Variants in PTPRC observed in about 807,000 individuals in gnomAD.
The protein encoded by PTPRC is receptor-type tyrosine-protein phosphatase C.
Under a neutral mutation model 155.9 loss-of-function variants are expected in PTPRC, and 44 were observed. The observed-to-expected ratio is 0.28, with a 90% CI of 0.22 to 0.36. The LOEUF (loss-of-function observed/expected upper bound fraction) is 0.36, where lower values mean the gene tolerates loss of function less well. Ranked by LOEUF, PTPRC falls within the 10% of genes least tolerant of loss-of-function variation. The pLI is 1.00. For missense variants in PTPRC, 1,401 were observed against 1,564.6 expected (o/e 0.90, Z 1.76); for synonymous variants, 525 against 533.1 (o/e 0.98, Z 0.21).
chr1:198,657,333 TA>T (rs79425349), intron 2 of PTPRC, among the ~76,000 whole-genome samples: 22 of 152,022 alleles, frequency 1.4e-4, no homozygotes, highest in Admixed American at 2.6e-4. Flanking sequence ...TTTATTCCTT[TA>T]AAAAAATCCA....
In PTPRC at chr1:198,665,018, G is replaced by T. The variant is rs144114203; in HGVS notation, c.73+25677G>T. On this transcript the variant is annotated intron_variant, in intron 2 of 32. Transcript: ENST00000442510. Reference sequence around the variant, plus strand: ...TCCTAATCTGGAGGGTTACCCTTTGGATCTGAATGGGATTGGAGTCAGTAC... The same window carrying T: ...TCCTAATCTGGAGGGTTACCCTTTGTATCTGAATGGGATTGGAGTCAGTAC... 8.0e-3 allele frequency among the ~76,000 whole-genome samples: 1,211 copies of T among 150,736 alleles called. 7 individuals are homozygous for T. The highest frequency in any genetic ancestry group is 0.012 in the Non-Finnish European group (820 of 67,812).
chr1:198,680,919 C>T (rs1003050456), intron 2 of PTPRC, among the ~76,000 whole-genome samples: 7 of 152,102 alleles, frequency 4.6e-5, no homozygotes, highest in Non-Finnish European at 8.8e-5. Context: ...TGAGTTTTTA[C>T]ACTGTTACTC....
intron 2 of PTPRC, among the ~76,000 whole-genome samples, chr1:198,677,868 T>C (rs1665050345): frequency 6.6e-6 from 1 of 152,142 alleles, no homozygotes. Context: ...AAGACCTTAC[T>C]TGGCTGAGCT....
In PTPRC at chr1:198,756,019, C is replaced by T. The variant is rs762555911; in HGVS notation, c.3759C>T (p.Asp1253=). 2.5e-6 allele frequency: 4 copies of T among 1,613,328 alleles called. No individual in the cohort carries two copies. In the East Asian group the frequency reaches 8.9e-5, roughly 36 times the overall value. ...AAATTGAATTTGATAATGAAGTGGA[C>T]AAAGTAAAGCAGGATGCTAATTGTG... ...EDKIEFDNEV[D]KVKQDANCVN... Residue 1253 remains aspartate, a synonymous_variant, in exon 33 of 33, where the codon GAC becomes GAT. Coordinates refer to ENST00000442510, the MANE Select transcript of PTPRC (RefSeq NM_002838.5).
intron 2 of PTPRC, among the ~76,000 whole-genome samples, chr1:198,655,149 C>T (rs902354507): frequency 1.3e-5 from 2 of 151,154 alleles, no homozygotes; most frequent in Non-Finnish European, 2.9e-5. Context: ...TACTGAGAGA[C>T]AAGTATTGTT....
chr1:198,716,581 G>C, intron 12 of PTPRC, 101 bp from the exon 13 acceptor site: 3 of 997,712 alleles, frequency 3.0e-6, no homozygotes, highest in Non-Finnish European at 4.7e-6. Flanking sequence ...CAATAGTTTG[G>C]AGTTCACTTG....
Position 198,704,516 on chromosome 1 carries a change from G to T in PTPRC, c.685+18G>T, listed in dbSNP as rs1316428166. On this transcript the variant is annotated intron_variant, in intron 8 of 32. Transcript: ENST00000442510. ...AACATGTGGTAAGTTTATTTACTTAGAATCAGCATACCTCACTTTGGAATA... is the reference window on the plus strand; with the variant it reads ...AACATGTGGTAAGTTTATTTACTTATAATCAGCATACCTCACTTTGGAATA... 1 of 1,613,858 alleles carries T rather than the reference G, an allele frequency of 6.2e-7. No homozygotes were observed. Among genetic ancestry groups the T allele is most frequent in the East Asian group, 2.2e-5 (1 of 44,834 alleles).
rs937199866 is a variant in PTPRC, at chr1:198,752,678, T to C, written c.3415T>C (p.Ser1139Pro). ...QLPAEPKELI[S>P]MIQVVKQKLP... ...TCCTGCAGAACCCAAGGAATTAATC[T>C]CTATGATTCAGGTCGTCAAACAAAA... is the stretch of plus-strand genomic sequence containing the variant. The change falls in exon 31 of 33, where the codon TCT becomes CCT. Residue 1139 changes from serine to proline, a missense_variant. Coordinates refer to ENST00000442510, the MANE Select transcript of PTPRC (RefSeq NM_002838.5). 6.2e-7 allele frequency: 1 copy of C among 1,612,738 alleles called. No individual in the cohort carries two copies. The highest frequency in any genetic ancestry group is 1.3e-5 in the African/African-American group (1 of 74,836).
At chr1:198,717,862 A>G (rs190588106) in intron 13 of PTPRC, among the ~76,000 whole-genome samples, 98 of 152,192 alleles carry the variant, frequency 6.4e-4, no homozygotes, top group African/African-American at 2.3e-3. Context: ...AGGGATTGCA[A>G]TAACTCTCAT....
At chr1:198,696,368 C>T (rs1277842815) in intron 3 of PTPRC, among the ~76,000 whole-genome samples, 3 of 151,812 alleles carry the variant, frequency 2.0e-5, no homozygotes, top group Admixed American at 6.6e-5. Flanking sequence ...TCCTTCTGAA[C>T]TCAATTGCTT....
intron 3 of PTPRC, chr1:198,694,754 C>A: frequency 1.1e-6 from 1 of 951,872 alleles, no homozygotes; most frequent in Non-Finnish European, 1.3e-6. Context: ...TTTCCACTCC[C>A]TTTCTCCCAC....
rs200531350 is a variant in PTPRC, at chr1:198,699,686, G to C, written c.421G>C (p.Gly141Arg). The C allele has an allele frequency of 1.0e-4, 163 of 1,614,132 alleles. No homozygotes were observed. In the Middle Eastern group the frequency reaches 2.5e-3, roughly 25 times the overall value. Residue 141 changes from glycine (G) to arginine (R), a missense_variant, in exon 5 of 33, where the codon GGC becomes CGC. Transcript: ENST00000442510. ...CAATGCAAAACTCAACCCTACCCCA[G>C]GCAGCAATGCTATCTCAGGTTTGCG... is the stretch of plus-strand genomic sequence containing the variant. ...AANAKLNPTP[G>R]SNAISDVPGE...
In PTPRC at chr1:198,709,441, G is replaced by GA. The variant is rs1200570966; in HGVS notation, c.1034-236dup. On this transcript the variant is annotated intron_variant, in intron 10 of 32. Coordinates refer to ENST00000442510, the MANE Select transcript of PTPRC (RefSeq NM_002838.5). ...TCTAAATGCAAATATTCCAAAATCTGAAAAAAAAAACTAAATCCAAAACAC... is the reference window on the plus strand; with the variant it reads ...TCTAAATGCAAATATTCCAAAATCTGAAAAAAAAAAACTAAATCCAAAACAC... 0.012 allele frequency among the ~76,000 whole-genome samples: 1,674 copies of GA among 144,774 alleles called. 20 individuals carry two copies. The highest frequency in any genetic ancestry group is 0.033 in the African/African-American group (1,309 of 39,586). The allele number at this position is 144,774 out of a possible 152,430, so 95.0% of individuals were successfully genotyped here.
chr1:198,735,429 G>T (rs570486867), intron 23 of PTPRC, among the ~76,000 whole-genome samples, 177 bp downstream of exon 23: 1 of 151,308 alleles, frequency 6.6e-6, no homozygotes, highest in African/African-American at 2.4e-5. Context: ...TAAGTCACTG[G>T]TCAAGACGTT....
chr1:198,750,242 GGA>G, intron 28 of PTPRC: 1 of 486,350 alleles, frequency 2.1e-6, no homozygotes, highest in African/African-American at 1.9e-5. Flanking sequence ...TGTCTTTTGT[GGA>G]AAGGAAAATT....
At chr1:198,734,521 T>C in intron 22 of PTPRC, 96 bp downstream of exon 22, 1 of 1,025,438 alleles carries the variant, frequency 9.8e-7, no homozygotes, top group Non-Finnish European at 1.5e-6. Context: ...GCCTGATGAC[T>C]AAAACAGAGA....
At chr1:198,699,513 T>A in intron 4 of PTPRC, 51 bp from the exon 5 acceptor site, 1 of 1,607,694 alleles carries the variant, frequency 6.2e-7, no homozygotes, top group Non-Finnish European at 8.5e-7. Flanking sequence ...AGTAAATTAT[T>A]CATCTCCAGT....
At chr1:198,662,848 T>C (rs1044594612) in intron 2 of PTPRC, among the ~76,000 whole-genome samples, 5 of 152,230 alleles carry the variant, frequency 3.3e-5, no homozygotes, top group African/African-American at 1.2e-4. Flanking sequence ...ATAGGAATCA[T>C]GAAAACTATA....
intron 2 of PTPRC, among the ~76,000 whole-genome samples, chr1:198,643,276 A>T (rs1662743737): frequency 1.3e-5 from 2 of 151,976 alleles, no homozygotes; most frequent in East Asian, 3.9e-4. Flanking sequence ...GGTATAGGAG[A>T]CACAAAAGGC....
Sources: gnomAD v4.1 joint callset for allele counts (sites outside exome capture counted in the v4.1 genomes callset) on GRCh38, gnomAD v4.1.1 for gene constraint, MANE v1.5 for transcripts, NCBI Gene and HGNC (gene_info 2026-07-23, HGNC 2026-07-21) for gene names.